The following SEMA4C variants were observed in gnomAD, a reference collection of about 807,000 sequenced individuals.
SEMA4C encodes the protein semaphorin-4C.
In SEMA4C, 19 loss-of-function variants were observed where a neutral mutation model predicts 89.0. The observed-to-expected ratio is 0.21, with a 90% CI of 0.15 to 0.31. SEMA4C has a LOEUF of 0.31. Ranked by LOEUF, SEMA4C falls within the 10% of genes least tolerant of loss-of-function variation. The pLI is 1.00. For synonymous variants in SEMA4C, 428 were observed against 472.7 expected (o/e 0.91, Z 1.23); for missense variants, 811 against 1,107.0 (o/e 0.73, Z 3.79).
Position 96,866,128 on chromosome 2 carries a change from A to G in SEMA4C, c.258+155T>C, listed in dbSNP as rs533743208. 3.3e-4 allele frequency among the ~76,000 whole-genome samples: 50 copies of G among 152,348 alleles called. 1 individual carries two copies. The highest frequency in any genetic ancestry group is 1.2e-3 in the African/African-American group (49 of 41,578). ...TCAGTAAGTGCCAGAGAGGAGAGGA[A>G]TGCCGCATGCTGACCCCAACCAGAG... On this transcript the variant is annotated intron_variant, in intron 3 of 14. Coordinates refer to ENST00000305476, the MANE Select transcript of SEMA4C (RefSeq NM_017789.5).
At chr2:96,866,020 C>T (rs773243676) in intron 3 of SEMA4C, 91 bp from the exon 4 acceptor site, 24 of 1,363,724 alleles carry the variant, frequency 1.8e-5, no homozygotes, top group South Asian at 1.6e-4. Context: ...ACAGGGACGC[C>T]CAGTGCAGAG....
chr2:96,860,972 G>T lies in SEMA4C; in HGVS notation c.2156C>A (p.Pro719His), dbSNP rs185428881. The change falls in exon 15 of 15, where the codon CCC (proline) becomes CAC (histidine). Residue 719 changes from proline (P) to histidine (H), a missense_variant. By Grantham distance (77) the Pro-to-His change is moderately conservative. This residue lies in a region of SEMA4C where 248 missense variants were observed against 269.0 expected (regional missense o/e 0.92). Coordinates refer to ENST00000305476, the MANE Select transcript of SEMA4C (RefSeq NM_017789.5). ...ATCTGGTTCAGGACAGGGCCGGAAG[G>T]GGGGACTGGTGGGCTCCTTGGGCAG... ...LELPKEPTSP[P>H]FRPCPEPDEK... is the part of the protein sequence containing the mutation. 47 of 1,613,026 alleles carry T rather than the reference G, an allele frequency of 2.9e-5. No individual in the cohort carries two copies. The highest frequency in any genetic ancestry group is 1.6e-4 in the African/African-American group (12 of 75,052).
chr2:96,869,049 C>CA, intron 1 of SEMA4C: 1 of 985,226 alleles, frequency 1.0e-6, no homozygotes, highest in Non-Finnish European at 1.2e-6. Flanking sequence ...TGAACGCAAA[C>CA]AAAGCGGCGG....
chr2:96,862,856 C>A, intron 12 of SEMA4C: 1 of 120,528 alleles, frequency 8.3e-6, no homozygotes, highest in African/African-American at 3.5e-5. Context: ...AGCGAGACTC[C>A]ATCTCAAAAA....
At position 96,864,481 on chromosome 2, in the gene SEMA4C, G is replaced by A; in HGVS notation, c.963-99C>T. Reference sequence around the variant, plus strand: ...AGGAAGGCAGGGCCTGGCACAAACTGGCCATGGGTACCAGAATGCCCTGGC... The same window carrying A: ...AGGAAGGCAGGGCCTGGCACAAACTAGCCATGGGTACCAGAATGCCCTGGC... On this transcript the variant is annotated intron_variant, in intron 9 of 14. Transcript: ENST00000305476. The surrounding 1 kb of genome is among the most constrained non-coding windows in gnomAD (Gnocchi z 6.3). 6.5e-7 allele frequency: 1 copy of A among 1,538,196 alleles called. No homozygotes were observed. The highest frequency in any genetic ancestry group is 8.8e-7 in the Non-Finnish European group (1 of 1,135,592).
At chr2:96,869,227 C>T (rs1486772203) in intron 1 of SEMA4C, 5 of 985,294 alleles carry the variant, frequency 5.1e-6, no homozygotes, top group East Asian at 1.1e-4. Flanking sequence ...TCCGAGGATC[C>T]GCCCGGCAGC....
At chr2:96,866,238 T>C (rs1287618511) in intron 3 of SEMA4C, 45 bp downstream of exon 3, 1 of 1,571,330 alleles carries the variant, frequency 6.4e-7, no homozygotes, top group Non-Finnish European at 8.6e-7. Context: ...CTCTGGGCCT[T>C]GCCCTCTGGC....
intron 12 of SEMA4C, chr2:96,863,415 T>A: frequency 8.2e-7 from 1 of 1,226,788 alleles, no homozygotes; most frequent in Non-Finnish European, 1.0e-6. Context: ...GAAAGAAACA[T>A]GGGAGCAGTT....
Position 96,861,927 on chromosome 2 carries a change from G to A in SEMA4C, c.1444-33C>T, listed in dbSNP as rs768280515. On this transcript the variant is annotated intron_variant, in intron 12 of 14. Coordinates refer to ENST00000305476, the MANE Select transcript of SEMA4C (RefSeq NM_017789.5). The surrounding 1 kb of genome is among the most constrained non-coding windows in gnomAD (Gnocchi z 7.8). ...AAAAGCGGGGCGCAGGAGGGGGGTC[G>A]GCCAGGGCCACACCACGGGAGGGGC... 2.7e-5 allele frequency: 43 copies of A among 1,575,384 alleles called. No individual in the cohort carries two copies. The Admixed American group carries it at 3.7e-4, about 13-fold the overall frequency.
In SEMA4C at chr2:96,864,417, C is replaced by T. The variant is rs773123138; in HGVS notation, c.963-35G>A. On this transcript the variant is annotated intron_variant, in intron 9 of 14. Transcript: ENST00000305476. This position sits in a 1 kb window ranked among gnomAD's most constrained non-coding sequence, Gnocchi z 6.3. ...CGAGAGGGAGCCCAGGGTCAGGTACCCACCTTATCTCTTCCCACCCCAGCT... is the reference window on the plus strand; with the variant it reads ...CGAGAGGGAGCCCAGGGTCAGGTACTCACCTTATCTCTTCCCACCCCAGCT... 58 of 1,609,620 alleles carry T rather than the reference C, an allele frequency of 3.6e-5. No homozygotes were observed. Among genetic ancestry groups the T allele is most frequent in the Non-Finnish European group, 4.4e-5 (52 of 1,179,608 alleles).
chr2:96,870,337 G>A (rs1450673745), upstream of SEMA4C: 27 of 984,774 alleles, frequency 2.7e-5, no homozygotes, highest in South Asian at 4.7e-5. Context: ...GGTGGGGCGG[G>A]GGAGGGACTC....
chr2:96,864,063 G>A lies in SEMA4C; in HGVS notation c.1193C>T (p.Pro398Leu). The A allele has an allele frequency of 6.2e-7, 1 of 1,613,292 alleles. No individual in the cohort carries two copies. Among genetic ancestry groups the A allele is most frequent in the Non-Finnish European group, 8.5e-7 (1 of 1,180,014 alleles). Residue 398 changes from proline (P) to leucine (L), a missense_variant, in exon 11 of 15, where the codon CCG (proline) becomes CTG (leucine). Physicochemically the swap from Pro to Leu is moderately conservative, Grantham distance 98 (BLOSUM62 -3). This residue lies in a region of SEMA4C where 441 missense variants were observed against 664.9 expected (regional missense o/e 0.66). Transcript: ENST00000305476. This position sits in a 1 kb window ranked among gnomAD's most constrained non-coding sequence, Gnocchi z 6.3. Reference protein sequence around the residue: ...DNILNFVKKHPLMEEQVGPRW... With the variant: ...DNILNFVKKHLLMEEQVGPRW... ...AGGCCCCACCTGCTCCTCCATCAGC[G>A]GGTGCTTCTTGACGAAGTTGAGGAT...
In SEMA4C at chr2:96,864,367, C is replaced by A. The variant is rs888789331; in HGVS notation, c.978G>T (p.Leu326=). 18 of 1,613,634 alleles carry A rather than the reference C, an allele frequency of 1.1e-5. No homozygotes were observed. Among genetic ancestry groups the A allele is most frequent in the Non-Finnish European group, 1.5e-5 (18 of 1,180,012 alleles). Residue 326 remains leucine, a synonymous_variant, in exon 10 of 15, where the codon CTG becomes CTT. Coordinates refer to ENST00000305476, the MANE Select transcript of SEMA4C (RefSeq NM_017789.5). This position sits in a 1 kb window ranked among gnomAD's most constrained non-coding sequence, Gnocchi z 6.3. The part of the protein sequence containing the change: ...VFQAQWGDMY[L]SAICEYQLEE... ...CCAACTGGTACTCACAGATGGCCGA[C>A]AGGTACATGTCACCCCTGTCACAGC...
chr2:96,862,002 A>C (rs144449119), intron 12 of SEMA4C, 108 bp from the exon 13 acceptor site: 24,725 of 1,217,330 alleles, frequency 0.02, 356 homozygotes, highest in Non-Finnish European at 0.025. Context: ...TGCAGGGGGC[A>C]CAGCACGGGG....
In SEMA4C at chr2:96,864,583, T is replaced by C. The variant is rs1319013942; in HGVS notation, c.962+122A>G. 9 of 1,388,788 alleles carry C rather than the reference T, an allele frequency of 6.5e-6. No homozygotes were observed. Among genetic ancestry groups the C allele is most frequent in the Non-Finnish European group, 8.8e-6 (9 of 1,020,018 alleles). The allele number at this position is 1,388,788 out of a possible 1,614,324, so 86.0% of individuals were successfully genotyped here. A position where few individuals can be genotyped will look rare whatever the true frequency, so the allele number is the denominator to read the frequency against. ...AAGGGGCAGGTGCCAGCATTCTCCT[T>C]GGCTTCTGGACACCTGGCTTCCGGG... On this transcript the variant is annotated intron_variant, in intron 9 of 14. Coordinates refer to ENST00000305476, the MANE Select transcript of SEMA4C (RefSeq NM_017789.5). The surrounding 1 kb of genome is among the most constrained non-coding windows in gnomAD (Gnocchi z 6.3).
rs777139687 is a variant in SEMA4C, at chr2:96,866,409, C to T, written c.132G>A (p.Arg44=). 5 of 1,613,858 alleles carry T rather than the reference C, an allele frequency of 3.1e-6. No homozygotes were observed. In the African/African-American group the frequency reaches 5.3e-5, roughly 17 times the overall value. ...SSGELATVVR[R]FSQTGIQDFL... is the part of the protein sequence containing the mutation. ...AGTCCTGGATGCCGGTCTGGGAGAACCGCCGTACTACCGTGGCCAGCTCTG... is the reference window on the plus strand; with the variant it reads ...AGTCCTGGATGCCGGTCTGGGAGAATCGCCGTACTACCGTGGCCAGCTCTG... The change falls in exon 3 of 15, where the codon CGG becomes CGA. Residue 44 remains arginine, a synonymous_variant. Transcript: ENST00000305476.
rs1343319951 is a variant in SEMA4C at position 96,864,810 on chromosome 2, G to A, written c.857C>T (p.Ser286Phe). ...GAAGTAGAGCTGCCAGTTCGGGGCA[G>A]AGCATGCCAGCCGCGCCTTCAGGAA... ...TTFLKARLAC[S>F]APNWQLYFNQ... is the part of the protein sequence containing the mutation. The change falls in exon 9 of 15, where the codon TCT becomes TTT. Residue 286 changes from serine to phenylalanine, a missense_variant. Physicochemically the swap from Ser to Phe is radical, Grantham distance 155. Transcript: ENST00000305476. The surrounding 1 kb of genome is among the most constrained non-coding windows in gnomAD (Gnocchi z 6.3). 1.2e-6 allele frequency: 2 copies of A among 1,613,942 alleles called. No homozygotes were observed. The highest frequency in any genetic ancestry group is 1.7e-6 in the Non-Finnish European group (2 of 1,180,016).
chr2:96,868,953 G>T, intron 1 of SEMA4C: 1 of 985,404 alleles, frequency 1.0e-6, no homozygotes, highest in Non-Finnish European at 1.2e-6. Context: ...AGAAGCTGGG[G>T]ACCTGCTCAC....
At chr2:96,869,098 T>G (rs1297190961) in intron 1 of SEMA4C, 1 of 985,128 alleles carries the variant, frequency 1.0e-6, no homozygotes, top group South Asian at 4.7e-5. Context: ...GGACGCCCCC[T>G]GTCGGCCCAG....
Sources: gnomAD v4.1 joint callset for allele counts (sites outside exome capture counted in the v4.1 genomes callset) on GRCh38, gnomAD v4.1.1 for gene constraint, gnomAD v4.1.1 regional missense constraint, Gnocchi (gnomAD v3.1) non-coding constraint, MANE v1.5 for transcripts, NCBI Gene and HGNC (gene_info 2026-07-23, HGNC 2026-07-21) for gene names.